PTPRG: variants seen among roughly 807,000 people sequenced by gnomAD.
PTPRG encodes protein tyrosine phosphatase receptor type G.
A neutral mutation model predicts 165.3 loss-of-function variants in PTPRG; 102 were observed. The ratio of observed to expected loss-of-function variants is 0.62; its 90% confidence interval spans 0.53 to 0.73. PTPRG has a LOEUF of 0.73. Ranked by LOEUF, PTPRG falls within the 30% of genes least tolerant of loss-of-function variation. The pLI, the probability that PTPRG is intolerant of heterozygous loss-of-function variation, is 0.00. For missense variants in PTPRG, 1,866 were observed against 1,861.4 expected (o/e 1.00, Z -0.05); for synonymous variants, 675 against 669.5 (o/e 1.01, Z -0.13).
chr3:61,877,016 T>G (rs772180869), intron 2 of PTPRG, among the ~76,000 whole-genome samples: 9 of 152,252 alleles, frequency 5.9e-5, no homozygotes, highest in Non-Finnish European at 1.0e-4. Flanking sequence ...AAATACCGCC[T>G]GTAATTCAGG....
intron 2 of PTPRG, among the ~76,000 whole-genome samples, chr3:61,899,518 C>T (rs1005032046): frequency 4.6e-5 from 7 of 152,062 alleles, no homozygotes; most frequent in African/African-American, 1.4e-4. Context: ...AGAGAGCTGT[C>T]GGTTTCTGCT....
chr3:61,816,416 T>C (rs2035764354), intron 2 of PTPRG, among the ~76,000 whole-genome samples: 1 of 152,000 alleles, frequency 6.6e-6, no homozygotes, highest in African/African-American at 2.4e-5. Flanking sequence ...CCCGTAATCC[T>C]AGCTACTTGG....
intron 6 of PTPRG, among the ~76,000 whole-genome samples, chr3:62,137,117 C>G (rs2106939573): frequency 6.6e-6 from 1 of 152,262 alleles, no homozygotes; most frequent in African/African-American, 2.4e-5. Flanking sequence ...GATGGAAGCA[C>G]TAAAAGGTAT....
chr3:61,771,999 G>A (rs975898081), intron 2 of PTPRG, among the ~76,000 whole-genome samples: 1 of 147,266 alleles, frequency 6.8e-6, no homozygotes, highest in Non-Finnish European at 1.5e-5. Flanking sequence ...GGCGGAGGGT[G>A]CAGTGAGCCG....
At chr3:62,014,355 C>G (rs879900584) in intron 4 of PTPRG, among the ~76,000 whole-genome samples, 3 of 152,034 alleles carry the variant, frequency 2.0e-5, no homozygotes, top group Admixed American at 2.0e-4. Context: ...ACCAGCTGGG[C>G]AAATTTACCA....
At chr3:62,005,214 T>C (rs2041267554) in intron 4 of PTPRG, among the ~76,000 whole-genome samples, 1 of 152,248 alleles carries the variant, frequency 6.6e-6, no homozygotes, top group African/African-American at 2.4e-5. Flanking sequence ...CTTCCTATCC[T>C]AGTCACAATA....
chr3:62,160,481 C>A (rs755976272), intron 7 of PTPRG, among the ~76,000 whole-genome samples: 5 of 152,250 alleles, frequency 3.3e-5, no homozygotes, highest in Non-Finnish European at 7.3e-5. Flanking sequence ...AGGCCAAAAT[C>A]ATGTCCCCCA....
chr3:62,275,907 G>C lies in PTPRG; in HGVS notation c.3500G>C (p.Cys1167Ser). 1 of 1,611,830 alleles carries C rather than the reference G, an allele frequency of 6.2e-7. No individual in the cohort carries two copies. The highest frequency in any genetic ancestry group is 8.5e-7 in the Non-Finnish European group (1 of 1,178,674). ...CAGTGTAATGCAAAATATGTGGAAT[G>C]TTTCAGTGCTCAGAAAGAGTGTAAC... ...VTQCNAKYVECFSAQKECNKE... is the reference protein window; with the variant it reads ...VTQCNAKYVESFSAQKECNKE... Residue 1167 changes from cysteine to serine, a missense_variant, in exon 24 of 30, where the codon TGT becomes TCT. By Grantham distance (112) the Cys-to-Ser change is moderately radical. This residue lies in a region of PTPRG where 1,452 missense variants were observed against 1,463.0 expected (regional missense o/e 0.99). Coordinates refer to ENST00000474889, the MANE Select transcript of PTPRG (RefSeq NM_002841.4).
chr3:62,256,497 TTAA>T (rs1701539441), intron 16 of PTPRG, among the ~76,000 whole-genome samples: 1 of 152,190 alleles, frequency 6.6e-6, no homozygotes, highest in Non-Finnish European at 1.5e-5. Context: ...TGTCAAGTAT[TTAA>T]TGCTATTAGA....
chr3:61,707,962 T>C (rs996738057), intron 1 of PTPRG, among the ~76,000 whole-genome samples: 1 of 152,120 alleles, frequency 6.6e-6, no homozygotes, highest in African/African-American at 2.4e-5. Flanking sequence ...ATAATTTTTG[T>C]ATTTTTTGTA....
Position 62,213,220 on chromosome 3 carries a change from G to T in PTPRG, c.2156-5631G>T, listed in dbSNP as rs80269658. Among the ~76,000 whole-genome samples the T allele has an allele frequency of 2.6e-4, 40 of 152,272 alleles. No homozygotes were observed. The East Asian group carries it at 7.6e-3, about 29-fold the overall frequency. ...TTTGGCTCCATTGAAGGAAAGAAAA[G>T]AATGAACATTTCTTGGGCACCTCCT... On this transcript the variant is annotated intron_variant, in intron 12 of 29. Transcript: ENST00000474889. This position sits in a 1 kb window ranked among gnomAD's most constrained non-coding sequence, Gnocchi z 4.4.
intron 1 of PTPRG, among the ~76,000 whole-genome samples, chr3:61,746,365 C>G (rs1423532224): frequency 6.6e-6 from 1 of 151,976 alleles, no homozygotes; most frequent in African/African-American, 2.4e-5. Context: ...GCCACTTCAC[C>G]CGTCTAATTT....
intron 4 of PTPRG, among the ~76,000 whole-genome samples, chr3:62,054,797 A>T (rs924515053): frequency 1.3e-5 from 2 of 152,190 alleles, no homozygotes; most frequent in Non-Finnish European, 2.9e-5. Context: ...TGTGACAGGG[A>T]ATTCAAAGAT....
intron 1 of PTPRG, among the ~76,000 whole-genome samples, chr3:61,700,207 C>T (rs1037639505): frequency 6.6e-6 from 1 of 152,180 alleles, no homozygotes; most frequent in Non-Finnish European, 1.5e-5. Context: ...AATAAGTCAA[C>T]TCTCACATTG....
At position 61,706,915 on chromosome 3, in the gene PTPRG, T is replaced by TA. The variant is rs543604864; in HGVS notation, c.86-41961dup. The stretch of plus-strand genomic sequence containing the variant: ...CCTAGTTCCAGTTTCCTCTCAGAGA[T>TA]AACTGCTGTGAATTTTATACATTTA... On this transcript the variant is annotated intron_variant, in intron 1 of 29. Coordinates refer to ENST00000474889, the MANE Select transcript of PTPRG (RefSeq NM_002841.4). Among the ~76,000 whole-genome samples, 483 of 152,328 alleles carry TA rather than the reference T, an allele frequency of 3.2e-3. 2 individuals carry two copies. Among genetic ancestry groups the TA allele is most frequent in the African/African-American group, 0.011 (459 of 41,588 alleles).
intron 2 of PTPRG, among the ~76,000 whole-genome samples, chr3:61,985,678 G>A (rs1325457526): frequency 6.6e-6 from 1 of 152,116 alleles, no homozygotes; most frequent in Non-Finnish European, 1.5e-5. Context: ...TATTTAAATT[G>A]ATAACAGTGA....
intron 2 of PTPRG, among the ~76,000 whole-genome samples, chr3:61,833,737 G>A (rs1718701): frequency 0.13 from 19,006 of 151,886 alleles, 3,123 homozygotes; most frequent in African/African-American, 0.38. Context: ...TACTTTTTTT[G>A]TATTTTTAGT....
chr3:61,876,208 T>G (rs776512556), intron 2 of PTPRG, among the ~76,000 whole-genome samples: 3 of 152,168 alleles, frequency 2.0e-5, no homozygotes, highest in Admixed American at 6.5e-5. Context: ...TGAGGGATAT[T>G]CTACAGTAAG....
chr3:61,752,792 A>AAAAAAAAAAG, intron 2 of PTPRG, among the ~76,000 whole-genome samples: 1 of 112,424 alleles, frequency 8.9e-6, no homozygotes, highest in Non-Finnish European at 2.0e-5. Context: ...TCTCAAAAAA[A>AAAAAAAAAAG]AAAAAAAAAG....
Sources: gnomAD v4.1 joint callset for allele counts (sites outside exome capture counted in the v4.1 genomes callset) on GRCh38, gnomAD v4.1.1 for gene constraint, gnomAD v4.1.1 regional missense constraint, Gnocchi (gnomAD v3.1) non-coding constraint, MANE v1.5 for transcripts, NCBI Gene and HGNC (gene_info 2026-07-23, HGNC 2026-07-21) for gene names.